The following GRM8 variants were observed in gnomAD, a reference collection of about 807,000 sequenced individuals.
GRM8 encodes the protein metabotropic glutamate receptor 8.
Under a neutral mutation model 87.2 loss-of-function variants are expected in GRM8, and 47 were observed. That is an observed-to-expected ratio of 0.54 (90% CI 0.43 to 0.69). The LOEUF is 0.69. Among genes scored for constraint, GRM8 ranks in the 30% least tolerant of loss-of-function variants. GRM8 has a pLI of 0.00. For missense variants in GRM8, 1,019 were observed against 1,139.2 expected, an observed-to-expected ratio of 0.89 and a Z score of 1.52; for synonymous variants, 396 against 404.5, an observed-to-expected ratio of 0.98 and a Z score of 0.25.
chr7:126,642,647 T>A (rs11767251), intron 7 of GRM8, among the ~76,000 whole-genome samples: 6,895 of 131,198 alleles, frequency 0.053, 198 homozygotes, highest in Non-Finnish European at 0.078. Context: ...CTAAAAAAAA[T>A]AATAATAATA....
chr7:126,555,410 T>TA lies in GRM8; in HGVS notation c.1495-21524dup, dbSNP rs569957168. 2.0e-4 allele frequency among the ~76,000 whole-genome samples: 30 copies of TA among 152,352 alleles called. No individual in the cohort carries two copies. The South Asian group carries it at 6.2e-3, about 32-fold the overall frequency. On this transcript the variant is annotated intron_variant, in intron 8 of 10. Coordinates refer to ENST00000339582, the MANE Select transcript of GRM8 (RefSeq NM_000845.3). ...TATGGTTAAATTTATCTTGCGTCAC[T>TA]ACCAGACAATGCTAAGAACAGCTAT...
intron 3 of GRM8, among the ~76,000 whole-genome samples, chr7:127,028,659 T>A (rs1469696759): frequency 6.6e-6 from 1 of 152,202 alleles, no homozygotes; most frequent in Admixed American, 6.5e-5. Context: ...AGTTTGTATT[T>A]CTGTGGGATT....
At chr7:126,604,047 G>T (rs182793680) in intron 8 of GRM8, among the ~76,000 whole-genome samples, 1 of 151,732 alleles carries the variant, frequency 6.6e-6, no homozygotes, top group East Asian at 1.9e-4. Context: ...TGAGACAAAT[G>T]GGGAGACTCA....
chr7:126,551,639 A>G (rs1792597806), intron 8 of GRM8, among the ~76,000 whole-genome samples: 1 of 151,822 alleles, frequency 6.6e-6, no homozygotes, highest in South Asian at 2.1e-4. Flanking sequence ...TGATTCTCCA[A>G]TTTTTTTCAG....
At chr7:126,883,152 C>T (rs1396239517) in intron 6 of GRM8, among the ~76,000 whole-genome samples, 1 of 152,118 alleles carries the variant, frequency 6.6e-6, no homozygotes, top group African/African-American at 2.4e-5. Context: ...CGAGAAGCTT[C>T]GCAGATAAAT....
At chr7:127,096,040 A>T (rs1294602838) in intron 3 of GRM8, among the ~76,000 whole-genome samples, 2 of 152,242 alleles carry the variant, frequency 1.3e-5, no homozygotes, top group Non-Finnish European at 2.9e-5. Context: ...TCATGTATTT[A>T]ACTATGGGCC....
chr7:126,954,912 A>G (rs1808518029), intron 3 of GRM8, among the ~76,000 whole-genome samples: 1 of 152,210 alleles, frequency 6.6e-6, no homozygotes, highest in Non-Finnish European at 1.5e-5. Context: ...AGGTAGAGAA[A>G]GAAGAAGAGT....
At chr7:126,868,138 C>A (rs1473195075) in intron 6 of GRM8, among the ~76,000 whole-genome samples, 3 of 152,188 alleles carry the variant, frequency 2.0e-5, no homozygotes, top group Non-Finnish European at 4.4e-5. Context: ...CAGCAATCCC[C>A]ATCCTGCCTG....
At chr7:126,625,573 T>C (rs556523009) in intron 7 of GRM8, among the ~76,000 whole-genome samples, 122 of 152,284 alleles carry the variant, frequency 8.0e-4, no homozygotes, top group Non-Finnish European at 1.4e-3. Context: ...GGATAAAATG[T>C]GCTTTAAGGT....
Position 126,643,797 on chromosome 7 carries a change from C to T in GRM8, c.1358-34299G>A, listed in dbSNP as rs75895723. On this transcript the variant is annotated intron_variant, in intron 7 of 10. Transcript: ENST00000339582. ...AATGCCAACAAAACCTGGTATTCTT[C>T]CCTATGCTTCAACATTATTCTGTCA... is the stretch of plus-strand genomic sequence containing the variant. Among the ~76,000 whole-genome samples the T allele has an allele frequency of 1.5e-3, 230 of 152,304 alleles. 1 individual carries two copies. Among genetic ancestry groups the T allele is most frequent in the African/African-American group, 5.4e-3 (223 of 41,568 alleles).
intron 2 of GRM8, among the ~76,000 whole-genome samples, chr7:127,165,971 T>C (rs1033630940): frequency 2.0e-5 from 3 of 152,186 alleles, no homozygotes; most frequent in Non-Finnish European, 4.4e-5. Flanking sequence ...ATCAGTTTTC[T>C]GACAATTTCA....
intron 3 of GRM8, among the ~76,000 whole-genome samples, chr7:126,968,692 G>C (rs960773545): frequency 6.6e-6 from 1 of 152,040 alleles, no homozygotes; most frequent in South Asian, 2.1e-4. Flanking sequence ...TGATTCAAAG[G>C]CTCAATGCTG....
chr7:126,555,109 T>C (rs766882440), intron 8 of GRM8, among the ~76,000 whole-genome samples: 3 of 152,174 alleles, frequency 2.0e-5, no homozygotes, highest in Non-Finnish European at 4.4e-5. Flanking sequence ...TAAATAAAAT[T>C]ATTTAGAACA....
intron 2 of GRM8, among the ~76,000 whole-genome samples, chr7:127,119,605 G>A (rs1826913453): frequency 6.6e-6 from 1 of 152,102 alleles, no homozygotes; most frequent in Admixed American, 6.6e-5. Flanking sequence ...ATAGGGGACA[G>A]CATCTGACAG....
At chr7:126,723,260 T>C (rs941307430) in intron 7 of GRM8, among the ~76,000 whole-genome samples, 3 of 152,030 alleles carry the variant, frequency 2.0e-5, no homozygotes, top group Middle Eastern at 3.2e-3. Flanking sequence ...TTCACAATTA[T>C]GCCTCCTTCA....
intron 3 of GRM8, among the ~76,000 whole-genome samples, chr7:126,975,395 G>A (rs1810888581): frequency 6.6e-6 from 1 of 152,222 alleles, no homozygotes; most frequent in Non-Finnish European, 1.5e-5. Context: ...GGAGAAGGGA[G>A]GATGATGAAG....
intron 3 of GRM8, among the ~76,000 whole-genome samples, chr7:126,994,694 T>C (rs1813007982): frequency 6.6e-6 from 1 of 152,086 alleles, no homozygotes; most frequent in Non-Finnish European, 1.5e-5. Context: ...GAGCTTTGTC[T>C]TATGGTCTGA....
In GRM8 at chr7:126,769,852, C is replaced by T. The variant is rs1472051780; in HGVS notation, c.1357+13G>A. On this transcript the variant is annotated intron_variant, in intron 7 of 10. Transcript: ENST00000339582. ...CTTTTAATGTATTTAGACACACACA[C>T]GTTGTAACTTACCATTAAAATTTAC... The T allele has an allele frequency of 1.2e-5, 19 of 1,537,026 alleles. No individual in the cohort carries two copies. Among genetic ancestry groups the T allele is most frequent in the Admixed American group, 1.0e-4 (6 of 59,744 alleles).
At chr7:126,499,565 A>T (rs576520961) in intron 9 of GRM8, among the ~76,000 whole-genome samples, 1 of 152,008 alleles carries the variant, frequency 6.6e-6, no homozygotes, top group Admixed American at 6.6e-5. Flanking sequence ...TGTTGTTTCC[A>T]TTTGAGTATT....
Sources: allele counts gnomAD v4.1 joint callset (sites outside exome capture counted in the v4.1 genomes callset), GRCh38; gene constraint gnomAD v4.1.1; transcripts MANE v1.5; gene names NCBI Gene and HGNC (gene_info 2026-07-23, HGNC 2026-07-21).